The following CACNA1B variants were observed in gnomAD, a reference collection of about 807,000 sequenced individuals.
CACNA1B encodes the protein calcium voltage-gated channel subunit alpha1 B, also known as voltage-dependent N-type calcium channel subunit alpha-1B.
Under a neutral mutation model 247.2 loss-of-function variants are expected in CACNA1B, and 70 were observed. That is an observed-to-expected ratio of 0.28 (90% CI 0.23 to 0.35). The LOEUF is 0.35. Among genes scored for constraint, CACNA1B ranks in the 10% least tolerant of loss-of-function variants. The probability of loss-of-function intolerance (pLI) is 1.00; values close to 1 mark genes in which losing one functional copy is unlikely to be tolerated. For missense variants in CACNA1B, 2,367 were observed against 3,197.4 expected, an observed-to-expected ratio of 0.74 and a Z score of 6.26; for synonymous variants, 1,231 against 1,294.4, an observed-to-expected ratio of 0.95 and a Z score of 1.05.
intron 10 of CACNA1B, among the ~76,000 whole-genome samples, chr9:137,958,492 G>GC (rs778261852): frequency 6.6e-6 from 1 of 152,222 alleles, no homozygotes; most frequent in South Asian, 2.1e-4. Flanking sequence ...TCTGATTCTA[G>GC]CCCCCCTTGT....
chr9:138,114,565 AC>A, intron 41 of CACNA1B, 75 bp downstream of exon 41: 1 of 703,724 alleles, frequency 1.4e-6, no homozygotes, highest in Non-Finnish European at 2.5e-6. Context: ...GGGGTTGACG[AC>A]GGGGGAGATG....
intron 10 of CACNA1B, among the ~76,000 whole-genome samples, chr9:137,960,630 G>A (rs1177499501): frequency 1.3e-5 from 2 of 151,986 alleles, no homozygotes; most frequent in Admixed American, 1.3e-4. Flanking sequence ...AGGCAAGGCT[G>A]TGCTTGGCAC....
chr9:137,930,668 G>A lies in CACNA1B; in HGVS notation c.966+13237G>A, dbSNP rs115818382. The stretch of plus-strand genomic sequence containing the variant: ...TGGTTTTCTGTCTATTCTACAAATT[G>A]TTAAGAGAGAGGTGTAGAAGTCTCC... On this transcript the variant is annotated intron_variant, in intron 6 of 46. Transcript: ENST00000371372. 1.1e-3 allele frequency among the ~76,000 whole-genome samples: 160 copies of A among 152,230 alleles called. 2 individuals carry two copies. The highest frequency in any genetic ancestry group is 3.2e-3 in the African/African-American group (133 of 41,546).
At chr9:137,908,993 T>C (rs1957329953) in intron 3 of CACNA1B, among the ~76,000 whole-genome samples, 1 of 120,178 alleles carries the variant, frequency 8.3e-6, no homozygotes, top group Admixed American at 8.4e-5. Flanking sequence ...TGTTTTAACC[T>C]TTTTTTTTTT....
intron 32 of CACNA1B, among the ~76,000 whole-genome samples, chr9:138,070,004 C>T (rs1960065602): frequency 6.6e-6 from 1 of 152,210 alleles, no homozygotes; most frequent in African/African-American, 2.4e-5. Flanking sequence ...GCAGGGCTTC[C>T]CTGAGACCTG....
chr9:137,916,162 A>G (rs1388773506), intron 5 of CACNA1B, among the ~76,000 whole-genome samples: 2 of 150,842 alleles, frequency 1.3e-5, no homozygotes, highest in Non-Finnish European at 2.9e-5. Context: ...CCTCCCGAGT[A>G]GCTGGGATTA....
chr9:138,121,010 C>G lies in CACNA1B; in HGVS notation c.6489+129C>G. The G allele has an allele frequency of 1.8e-6, 2 of 1,102,394 alleles. No homozygotes were observed. The highest frequency in any genetic ancestry group is 2.9e-4 in the Middle Eastern group (1 of 3,508). The allele number at this position is 1,102,394 out of a possible 1,614,324, so 68.3% of individuals were successfully genotyped here. A position where few individuals can be genotyped will look rare whatever the true frequency, so the allele number is the denominator to read the frequency against. On this transcript the variant is annotated intron_variant, in intron 46 of 46. Transcript: ENST00000371372. This position sits in a 1 kb window ranked among gnomAD's most constrained non-coding sequence, Gnocchi z 6.8. ...TTGTCATTCCCAGCAACCCAAGGGC[C>G]GGGCGCTCCCCTCTGTGCCCTGTCC... is the stretch of plus-strand genomic sequence containing the variant.
At chr9:138,066,446 A>T (rs1478885030) in intron 31 of CACNA1B, among the ~76,000 whole-genome samples, 1 of 152,104 alleles carries the variant, frequency 6.6e-6, no homozygotes, top group Admixed American at 6.6e-5. Flanking sequence ...AACGCTAAAA[A>T]AATAAGAGAG....
chr9:138,076,020 C>T (rs1960305831), intron 35 of CACNA1B, 110 bp downstream of exon 35: 1 of 709,708 alleles, frequency 1.4e-6, no homozygotes, highest in Non-Finnish European at 2.5e-6. Context: ...CTTCTAATTC[C>T]CCGACCCCAC....
intron 34 of CACNA1B, among the ~76,000 whole-genome samples, chr9:138,075,369 A>G (rs1433200687): frequency 6.6e-6 from 1 of 152,214 alleles, no homozygotes; most frequent in Non-Finnish European, 1.5e-5. Context: ...ACCCATTTGC[A>G]TTTCTTACTG....
Position 138,020,416 on chromosome 9 carries a change from C to G in CACNA1B, c.2268-2595C>G, listed in dbSNP as rs1958829920. 6.6e-6 allele frequency among the ~76,000 whole-genome samples: 1 copy of G among 152,200 alleles called. No individual in the cohort carries two copies. Among genetic ancestry groups the G allele is most frequent in the South Asian group, 2.1e-4 (1 of 4,828 alleles). On this transcript the variant is annotated intron_variant, in intron 18 of 46. Coordinates refer to ENST00000371372, the MANE Select transcript of CACNA1B (RefSeq NM_000718.4). This position sits in a 1 kb window ranked among gnomAD's most constrained non-coding sequence, Gnocchi z 4.1. ...TGGATTAATCACCAGCCACACTTCA[C>G]TCTAAGTTGGTGTGGATATGTGCCA...
chr9:138,028,347 T>C (rs1212905667), intron 20 of CACNA1B, among the ~76,000 whole-genome samples: 1 of 152,162 alleles, frequency 6.6e-6, no homozygotes. Context: ...GGTAAAACAT[T>C]ATAATGTGTT....
intron 3 of CACNA1B, among the ~76,000 whole-genome samples, chr9:137,906,552 T>TC (rs1444886058): frequency 6.6e-6 from 1 of 151,966 alleles, no homozygotes; most frequent in Non-Finnish European, 1.5e-5. Context: ...TTTCTCTGCA[T>TC]CCCCGTGTGA....
In CACNA1B at chr9:137,968,280, C is replaced by T. The variant is rs79195528; in HGVS notation, c.1334-3103C>T. On this transcript the variant is annotated intron_variant, in intron 10 of 46. Coordinates refer to ENST00000371372, the MANE Select transcript of CACNA1B (RefSeq NM_000718.4). ...CATTCTCAGCACTGCTTGGTGCCCT[C>T]GACTGCCTTCTGCCTGAGGACTGGC... 9.3e-3 allele frequency among the ~76,000 whole-genome samples: 1,420 copies of T among 152,278 alleles called. 26 individuals carry two copies. Among genetic ancestry groups the T allele is most frequent in the African/African-American group, 0.031 (1,305 of 41,544 alleles).
chr9:137,910,663 A>G (rs1588999444), intron 3 of CACNA1B, among the ~76,000 whole-genome samples: 1 of 152,140 alleles, frequency 6.6e-6, no homozygotes, highest in African/African-American at 2.4e-5. Flanking sequence ...GGAGCGTGCA[A>G]CCTAGATCCC....
chr9:138,058,965 A>G lies in CACNA1B; in HGVS notation c.4474-114A>G. 2.7e-6 allele frequency: 2 copies of G among 732,108 alleles called. No homozygotes were observed. Among genetic ancestry groups the G allele is most frequent in the Admixed American group, 2.1e-5 (1 of 47,232 alleles). The allele number at this position is 732,108 out of a possible 1,614,324, so 45.4% of individuals were successfully genotyped here. A position where few individuals can be genotyped will look rare whatever the true frequency, so the allele number is the denominator to read the frequency against. On this transcript the variant is annotated intron_variant, in intron 29 of 46. Transcript: ENST00000371372. The surrounding 1 kb of genome is among the most constrained non-coding windows in gnomAD (Gnocchi z 4.7). ...CGGGGAGAGCAGGAAGGGGTGTCCC[A>G]GGCCTAGGCAGGCATCGAGTTCTGT...
chr9:138,004,148 C>T (rs923551830), intron 15 of CACNA1B, among the ~76,000 whole-genome samples: 90 of 151,824 alleles, frequency 5.9e-4, no homozygotes, highest in Admixed American at 7.9e-4. Flanking sequence ...CAAGGGGACA[C>T]GGCAGCAAAA....
chr9:138,112,996 AG>A (rs1961702297), intron 40 of CACNA1B, among the ~76,000 whole-genome samples: 1 of 138,612 alleles, frequency 7.2e-6, no homozygotes, highest in African/African-American at 2.8e-5. Context: ...ATCTCGTGGG[AG>A]ACGTGAGGGA....
chr9:138,105,503 T>G (rs1265004835), intron 38 of CACNA1B, among the ~76,000 whole-genome samples, 196 bp from the exon 39 acceptor site: 1 of 152,282 alleles, frequency 6.6e-6, no homozygotes, highest in East Asian at 1.9e-4. Context: ...CAGCTAGATT[T>G]GTGGGGCGGG....
Sources: allele counts gnomAD v4.1 joint callset (sites outside exome capture counted in the v4.1 genomes callset), GRCh38; gene constraint gnomAD v4.1.1; non-coding constraint Gnocchi (gnomAD v3.1); transcripts MANE v1.5; gene names NCBI Gene and HGNC (gene_info 2026-07-23, HGNC 2026-07-21).